BLOC1S5: variants seen among roughly 807,000 people sequenced by gnomAD.
The protein encoded by BLOC1S5 is biogenesis of lysosomal organelles complex 1 subunit 5.
In BLOC1S5, 27 loss-of-function variants were observed where a neutral mutation model predicts 24.3. The observed-to-expected ratio is 1.11, with a 90% CI of 0.82 to 1.53. BLOC1S5 has a LOEUF of 1.53. Among genes scored for constraint, BLOC1S5 ranks in the 40% most tolerant of loss-of-function variants. BLOC1S5 has a pLI of 0.00. For synonymous variants in BLOC1S5, 84 were observed against 74.5 expected (o/e 1.13, Z -0.66); for missense variants, 239 against 229.4 (o/e 1.04, Z -0.27).
intron 4 of BLOC1S5, among the ~76,000 whole-genome samples, chr6:8,023,464 C>T (rs1300923306): frequency 6.6e-6 from 1 of 152,110 alleles, no homozygotes; most frequent in Non-Finnish European, 1.5e-5. Context: ...GTGGCGTGCG[C>T]CTGTAATCCC....
chr6:8,048,307 G>C (rs923710564), intron 2 of BLOC1S5, among the ~76,000 whole-genome samples: 1 of 152,216 alleles, frequency 6.6e-6, no homozygotes. Flanking sequence ...GACTTGGAAT[G>C]AGCAGGTGTC....
At chr6:8,063,717 T>C (rs1757339649) in intron 1 of BLOC1S5, among the ~76,000 whole-genome samples, 1 of 152,208 alleles carries the variant, frequency 6.6e-6, no homozygotes, top group African/African-American at 2.4e-5. Context: ...CTAAAGCAGA[T>C]TCTGTGAGAA....
At chr6:8,041,089 G>A in intron 3 of BLOC1S5, 50 bp downstream of exon 3, 7 of 1,542,856 alleles carry the variant, frequency 4.5e-6, no homozygotes, top group Non-Finnish European at 6.1e-6. Context: ...ACATTTTGGT[G>A]TAGCATTCAT....
At chr6:8,052,986 G>A (rs1427051056) in intron 2 of BLOC1S5, among the ~76,000 whole-genome samples, 1 of 152,062 alleles carries the variant, frequency 6.6e-6, no homozygotes. Flanking sequence ...TGCTTCTTAT[G>A]GATGAGCAAA....
intron 3 of BLOC1S5, among the ~76,000 whole-genome samples, chr6:8,036,204 T>C (rs902325301): frequency 4.6e-5 from 7 of 151,988 alleles, no homozygotes; most frequent in Admixed American, 4.6e-4. Context: ...CCCAAATCTA[T>C]GGGATACAGC....
At chr6:8,052,655 G>A (rs1184090788) in intron 2 of BLOC1S5, among the ~76,000 whole-genome samples, 8 of 152,130 alleles carry the variant, frequency 5.3e-5, no homozygotes, top group Admixed American at 3.9e-4. Context: ...CACTTTGGGA[G>A]GCTCAGGCTG....
chr6:8,028,216 T>C (rs1379435481), intron 3 of BLOC1S5, among the ~76,000 whole-genome samples: 1 of 152,218 alleles, frequency 6.6e-6, no homozygotes, highest in East Asian at 1.9e-4. Flanking sequence ...GTTAGGCCTC[T>C]CCCTCTGGGA....
intron 4 of BLOC1S5, among the ~76,000 whole-genome samples, chr6:8,025,853 T>A (rs1055125116): frequency 2.6e-5 from 4 of 152,188 alleles, no homozygotes; most frequent in African/African-American, 9.7e-5. Flanking sequence ...TACCACCAAA[T>A]TATCACAGGA....
chr6:8,019,610 G>T (rs35949359), intron 4 of BLOC1S5, among the ~76,000 whole-genome samples: 6 of 137,672 alleles, frequency 4.4e-5, no homozygotes, highest in Non-Finnish European at 7.4e-5. Flanking sequence ...AGAAAAAAGG[G>T]GGGGGGGGCG....
intron 2 of BLOC1S5, among the ~76,000 whole-genome samples, chr6:8,051,412 G>C (rs1254437916): frequency 6.6e-6 from 1 of 152,190 alleles, no homozygotes; most frequent in Non-Finnish European, 1.5e-5. Context: ...CAAGCCAGCA[G>C]AGGTTGGTTC....
intron 4 of BLOC1S5, among the ~76,000 whole-genome samples, chr6:8,016,567 C>T (rs557367221): frequency 1.3e-5 from 2 of 152,146 alleles, no homozygotes; most frequent in African/African-American, 4.8e-5. Context: ...TAGAAGAGAA[C>T]TCGAGAAATC....
chr6:8,038,522 T>C (rs574687935), intron 3 of BLOC1S5, among the ~76,000 whole-genome samples: 99 of 152,346 alleles, frequency 6.5e-4, no homozygotes, highest in African/African-American at 2.3e-3. Flanking sequence ...TCTCACTCTG[T>C]TGCCCAGGCT....
At chr6:8,047,172 A>T (rs879461078) in intron 2 of BLOC1S5, among the ~76,000 whole-genome samples, 30,467 of 126,102 alleles carry the variant, frequency 0.24, 3,682 homozygotes, top group African/African-American at 0.32. Flanking sequence ...ACACACACAC[A>T]CACACACACA....
intron 2 of BLOC1S5, among the ~76,000 whole-genome samples, chr6:8,050,020 T>C (rs1297728809): frequency 6.6e-6 from 1 of 152,142 alleles, no homozygotes; most frequent in Non-Finnish European, 1.5e-5. Context: ...TGGATGTATA[T>C]ACTTCTAAGT....
intron 2 of BLOC1S5, among the ~76,000 whole-genome samples, chr6:8,052,771 T>C (rs1218322135): frequency 6.6e-6 from 1 of 151,422 alleles, no homozygotes; most frequent in African/African-American, 2.4e-5. Flanking sequence ...GGCGGGTGCC[T>C]GTAGTCTCAG....
intron 3 of BLOC1S5, among the ~76,000 whole-genome samples, chr6:8,032,163 A>C (rs1763320002): frequency 6.6e-6 from 1 of 152,214 alleles, no homozygotes; most frequent in Admixed American, 6.5e-5. Context: ...AAAAGAAATA[A>C]TCAGCAAACA....
At chr6:8,059,737 C>T (rs1057085300) in intron 2 of BLOC1S5, among the ~76,000 whole-genome samples, 1 of 152,194 alleles carries the variant, frequency 6.6e-6, no homozygotes, top group Non-Finnish European at 1.5e-5. Flanking sequence ...ACACTAAACC[C>T]TCAGGAAGGC....
intron 3 of BLOC1S5, among the ~76,000 whole-genome samples, chr6:8,032,624 C>G (rs1763342810): frequency 6.6e-6 from 1 of 152,082 alleles, no homozygotes; most frequent in Non-Finnish European, 1.5e-5. Context: ...AAGTTCTGGT[C>G]AGGGCAATCA....
chr6:8,032,823 T>C (rs1295881175), intron 3 of BLOC1S5, among the ~76,000 whole-genome samples: 1 of 152,198 alleles, frequency 6.6e-6, no homozygotes, highest in East Asian at 1.9e-4. Flanking sequence ...AGCATTCCTA[T>C]ACAGCATTAA....
Sources: gnomAD v4.1 joint callset for allele counts (sites outside exome capture counted in the v4.1 genomes callset) on GRCh38, gnomAD v4.1.1 for gene constraint, MANE v1.5 for transcripts, NCBI Gene and HGNC (gene_info 2026-07-23, HGNC 2026-07-21) for gene names.